Variants in GALNT13 observed in about 807,000 individuals in gnomAD.
The protein encoded by GALNT13 is polypeptide N-acetylgalactosaminyltransferase 13.
GALNT13 carries 28 observed loss-of-function variants against 64.2 expected under a neutral mutation model. The ratio of observed to expected loss-of-function variants is 0.44; its 90% confidence interval spans 0.32 to 0.60. GALNT13 has a LOEUF of 0.60. Ranked by LOEUF, GALNT13 falls within the 20% of genes least tolerant of loss-of-function variation. The pLI is 0.05. For synonymous variants in GALNT13, 214 were observed against 224.6 expected, an observed-to-expected ratio of 0.95 and a Z score of 0.42; for missense variants, 577 against 669.8, an observed-to-expected ratio of 0.86 and a Z score of 1.53.
chr2:153,420,976 A>C, the GALNT13 span: 1 of 172,404 alleles, frequency 5.8e-6, no homozygotes, highest in Admixed American at 6.1e-5. Flanking sequence ...CTAGTGAAAC[A>C]CCAATCCACA....
the GALNT13 span, among the ~76,000 whole-genome samples, chr2:153,426,888 A>C: frequency 5.9e-5 from 9 of 152,078 alleles, no homozygotes; most frequent in Admixed American, 5.9e-4. Context: ...GTTTCAAGAT[A>C]GCAAACACTT....
the GALNT13 span, among the ~76,000 whole-genome samples, chr2:153,364,621 G>A: frequency 6.6e-6 from 1 of 151,954 alleles, no homozygotes; most frequent in Non-Finnish European, 1.5e-5. Context: ...ATCATGAATG[G>A]ACTCTCATTC....
At chr2:153,243,919 TG>T in the GALNT13 span, among the ~76,000 whole-genome samples, 1 of 152,144 alleles carries the variant, frequency 6.6e-6, no homozygotes, top group African/African-American at 2.4e-5. Context: ...AAAAGATTTA[TG>T]AAAATCTTAC....
chr2:153,330,663 C>A, the GALNT13 span, among the ~76,000 whole-genome samples: 2 of 151,840 alleles, frequency 1.3e-5, no homozygotes, highest in African/African-American at 4.8e-5. Flanking sequence ...TTATCAATCC[C>A]AAGAGCCTTT....
At chr2:153,253,517 T>C in the GALNT13 span, among the ~76,000 whole-genome samples, 30 of 144,766 alleles carry the variant, frequency 2.1e-4, no homozygotes, top group Non-Finnish European at 3.5e-4. Context: ...TGAATAGGAG[T>C]GGTGAGAGAG....
At chr2:153,247,483 T>G in the GALNT13 span, among the ~76,000 whole-genome samples, 1 of 152,096 alleles carries the variant, frequency 6.6e-6, no homozygotes, top group Non-Finnish European at 1.5e-5. Flanking sequence ...GTTAAGAAAC[T>G]CACTCAAAAC....
the GALNT13 span, among the ~76,000 whole-genome samples, chr2:153,248,846 A>AAC: frequency 1.3e-5 from 2 of 151,012 alleles, no homozygotes; most frequent in Non-Finnish European, 3.0e-5. Context: ...AAGAAAAAAA[A>AAC]AACCCTCAAT....
At chr2:154,220,198 C>T (rs1414017329) in intron 4 of GALNT13, among the ~76,000 whole-genome samples, 1 of 152,024 alleles carries the variant, frequency 6.6e-6, no homozygotes, top group African/African-American at 2.4e-5. Context: ...CGCAATTTCC[C>T]TCATGAGTAA....
the GALNT13 span, among the ~76,000 whole-genome samples, chr2:153,223,061 C>G: frequency 5.1e-4 from 77 of 152,362 alleles, no homozygotes; most frequent in Non-Finnish European, 7.8e-4. Flanking sequence ...TCTGGCCTCT[C>G]CAGATGGGCC....
At chr2:153,612,418 C>A in the GALNT13 span, among the ~76,000 whole-genome samples, 1 of 152,062 alleles carries the variant, frequency 6.6e-6, no homozygotes. Context: ...GCACTATTTA[C>A]AAGCAGTACA....
At chr2:153,441,247 C>A in the GALNT13 span, among the ~76,000 whole-genome samples, 1 of 152,126 alleles carries the variant, frequency 6.6e-6, no homozygotes, top group African/African-American at 2.4e-5. Flanking sequence ...TGTCAAAAAA[C>A]AGATGGTTGT....
the GALNT13 span, among the ~76,000 whole-genome samples, chr2:153,488,344 T>C: frequency 6.6e-6 from 1 of 152,248 alleles, no homozygotes; most frequent in African/African-American, 2.4e-5. Flanking sequence ...CACTGAGCAG[T>C]GACACGCAGT....
chr2:154,306,065 G>A (rs551019682), intron 9 of GALNT13, among the ~76,000 whole-genome samples: 1 of 152,080 alleles, frequency 6.6e-6, no homozygotes, highest in Non-Finnish European at 1.5e-5. Context: ...ATAAGCCTTT[G>A]TCCCACCTCT....
At chr2:153,194,156 T>A in the GALNT13 span, among the ~76,000 whole-genome samples, 1 of 152,184 alleles carries the variant, frequency 6.6e-6, no homozygotes, top group Non-Finnish European at 1.5e-5. Context: ...TTAGGAAGTT[T>A]CCAGGTATTA....
At chr2:153,860,872 TGATAG>T in the GALNT13 span, among the ~76,000 whole-genome samples, 1 of 152,266 alleles carries the variant, frequency 6.6e-6, no homozygotes, top group East Asian at 1.9e-4. Context: ...CAAATGCAAA[TGATAG>T]GAGTAGTAAT....
intron 10 of GALNT13, among the ~76,000 whole-genome samples, chr2:154,397,374 G>A (rs1232847139): frequency 6.6e-6 from 1 of 152,166 alleles, no homozygotes; most frequent in Non-Finnish European, 1.5e-5. Context: ...AGGAGGTGGA[G>A]CTTGCAATGA....
chr2:154,038,735 T>C (rs1387782351), intron 3 of GALNT13, among the ~76,000 whole-genome samples: 1 of 151,952 alleles, frequency 6.6e-6, no homozygotes, highest in East Asian at 1.9e-4. Context: ...TATGAAAGCA[T>C]AGGCATCAAA....
At chr2:153,713,940 C>T in the GALNT13 span, among the ~76,000 whole-genome samples, 1 of 152,178 alleles carries the variant, frequency 6.6e-6, no homozygotes. Flanking sequence ...TGGAGAGCAA[C>T]ATCCCTGAAG....
chr2:154,278,171 T>A (rs930294297), intron 8 of GALNT13, among the ~76,000 whole-genome samples: 3 of 152,170 alleles, frequency 2.0e-5, no homozygotes, highest in African/African-American at 7.2e-5. Flanking sequence ...GCTATTTGCA[T>A]TTGCGAAAAA....
Sources: allele counts gnomAD v4.1 joint callset (sites outside exome capture counted in the v4.1 genomes callset), GRCh38; gene constraint gnomAD v4.1.1; transcripts MANE v1.5; gene names NCBI Gene and HGNC (gene_info 2026-07-23, HGNC 2026-07-21).